Variants in RIMS2 observed in about 807,000 individuals in gnomAD.
RIMS2 encodes the protein regulating synaptic membrane exocytosis protein 2.
Under a neutral mutation model 174.4 loss-of-function variants are expected in RIMS2, and 59 were observed. That is an observed-to-expected ratio of 0.34 (90% CI 0.27 to 0.42). RIMS2 has a LOEUF of 0.42. Among genes scored for constraint, RIMS2 ranks in the 10% least tolerant of loss-of-function variants. RIMS2 has a pLI of 1.00. For missense variants in RIMS2, 1,620 were observed against 1,666.3 expected (o/e 0.97, Z 0.48); for synonymous variants, 606 against 572.5 (o/e 1.06, Z -0.84).
At chr8:103,631,965 T>C (rs1390800990) in intron 1 of RIMS2, among the ~76,000 whole-genome samples, 2 of 152,226 alleles carry the variant, frequency 1.3e-5, no homozygotes, top group Admixed American at 6.5e-5. Context: ...TTGACTTTTG[T>C]ATGTTGATTT....
chr8:104,052,619 T>TATTC (rs1288195238), intron 19 of RIMS2, among the ~76,000 whole-genome samples: 5 of 152,074 alleles, frequency 3.3e-5, no homozygotes, highest in African/African-American at 1.2e-4. Context: ...AGATTCTAGG[T>TATTC]ATTGTAGATA....
chr8:104,230,304 G>T (rs991413500), intron 19 of RIMS2, among the ~76,000 whole-genome samples: 2 of 143,268 alleles, frequency 1.4e-5, no homozygotes, highest in Non-Finnish European at 3.1e-5. Flanking sequence ...AATAGGTTTT[G>T]TTTAAATGAG....
At chr8:103,944,166 T>C (rs936489503) in intron 14 of RIMS2, among the ~76,000 whole-genome samples, 1 of 152,072 alleles carries the variant, frequency 6.6e-6, no homozygotes, top group African/African-American at 2.4e-5. Context: ...ATGGTATTAA[T>C]TGAGCACTAA....
chr8:103,872,720 T>C (rs1431316353), intron 3 of RIMS2, among the ~76,000 whole-genome samples: 1 of 152,192 alleles, frequency 6.6e-6, no homozygotes, highest in Non-Finnish European at 1.5e-5. Context: ...GTAGGCCTAT[T>C]GGGCTTATGT....
chr8:104,172,353 G>A (rs1026897305), intron 19 of RIMS2, among the ~76,000 whole-genome samples: 1 of 152,076 alleles, frequency 6.6e-6, no homozygotes, highest in Non-Finnish European at 1.5e-5. Context: ...GAAATGGGAG[G>A]TACCAACTGT....
chr8:103,937,191 T>C (rs1189086543), intron 13 of RIMS2, among the ~76,000 whole-genome samples: 1 of 152,194 alleles, frequency 6.6e-6, no homozygotes, highest in Non-Finnish European at 1.5e-5. Context: ...TTTAATGGAA[T>C]GTATTTCAGC....
chr8:103,645,368 T>C (rs191444692), intron 1 of RIMS2, among the ~76,000 whole-genome samples: 1 of 152,292 alleles, frequency 6.6e-6, no homozygotes, highest in African/African-American at 2.4e-5. Flanking sequence ...AGATACCAAT[T>C]ATATTTGTTA....
chr8:103,737,658 G>A (rs1363908503), intron 2 of RIMS2, among the ~76,000 whole-genome samples: 1 of 152,124 alleles, frequency 6.6e-6, no homozygotes, highest in Non-Finnish European at 1.5e-5. Context: ...TCTGGCTTCT[G>A]ACTATCTTTC....
intron 19 of RIMS2, among the ~76,000 whole-genome samples, chr8:104,233,991 T>A (rs551992578): frequency 6.6e-6 from 1 of 152,334 alleles, no homozygotes; most frequent in East Asian, 1.9e-4. Flanking sequence ...CTCTCTCCCC[T>A]TCATGGCAAG....
chr8:103,580,615 C>G (rs1170592764), intron 1 of RIMS2, among the ~76,000 whole-genome samples: 1 of 152,046 alleles, frequency 6.6e-6, no homozygotes, highest in African/African-American at 2.4e-5. Context: ...TAGCAGGGGA[C>G]ACATGCAATC....
chr8:103,943,492 G>C (rs1372943668), intron 14 of RIMS2, among the ~76,000 whole-genome samples: 1 of 152,084 alleles, frequency 6.6e-6, no homozygotes, highest in Non-Finnish European at 1.5e-5. Context: ...CTGCATTACA[G>C]GGTAGTTATA....
intron 1 of RIMS2, among the ~76,000 whole-genome samples, chr8:103,583,220 G>T (rs78864411): frequency 6.6e-6 from 1 of 151,628 alleles, no homozygotes; most frequent in African/African-American, 2.4e-5. Flanking sequence ...GAACCACAGT[G>T]TTACTGGGCT....
intron 14 of RIMS2, among the ~76,000 whole-genome samples, chr8:103,957,728 C>T (rs1309025098): frequency 1.3e-5 from 2 of 152,114 alleles, no homozygotes; most frequent in Admixed American, 1.3e-4. Context: ...GCACGTTGTT[C>T]ACATGTACCC....
At chr8:103,903,084 A>T (rs56369021) in intron 4 of RIMS2, among the ~76,000 whole-genome samples, 25,038 of 151,952 alleles carry the variant, frequency 0.16, 2,180 homozygotes, top group Middle Eastern at 0.26. Context: ...ATATTTTTTT[A>T]AAAAATGATG....
intron 6 of RIMS2, among the ~76,000 whole-genome samples, chr8:103,914,595 G>A (rs1167740190): frequency 6.6e-6 from 1 of 152,008 alleles, no homozygotes; most frequent in Non-Finnish European, 1.5e-5. Context: ...ATTAAACATA[G>A]GACTAATTAG....
At chr8:103,907,789 A>T (rs2154526365) in intron 4 of RIMS2, among the ~76,000 whole-genome samples, 1 of 150,830 alleles carries the variant, frequency 6.6e-6, no homozygotes, top group East Asian at 2.0e-4. Context: ...TCTGTCGCCC[A>T]GGCTGGAGTG....
intron 2 of RIMS2, among the ~76,000 whole-genome samples, chr8:103,749,093 C>G (rs988174747): frequency 6.6e-6 from 1 of 150,818 alleles, no homozygotes; most frequent in African/African-American, 2.4e-5. Flanking sequence ...GCCACCGTGC[C>G]TGGCCATATG....
chr8:103,558,068 A>AT (rs933258956), intron 1 of RIMS2, among the ~76,000 whole-genome samples: 25 of 152,066 alleles, frequency 1.6e-4, no homozygotes, highest in African/African-American at 6.0e-4. Flanking sequence ...TTTTTATTTT[A>AT]TTTTTTTAAC....
Position 104,044,332 on chromosome 8 carries a change from T to C in RIMS2, c.3334+29717T>C, listed in dbSNP as rs886695233. Among the ~76,000 whole-genome samples the C allele has an allele frequency of 6.6e-5, 10 of 151,626 alleles. No homozygotes were observed. In the East Asian group the frequency reaches 1.2e-3, roughly 18 times the overall value. On this transcript the variant is annotated intron_variant, in intron 19 of 23. Coordinates refer to ENST00000504942, the Ensembl canonical transcript of RIMS2. The stretch of plus-strand genomic sequence containing the variant: ...AATGCTGGTTGGAAGGAATGAACCA[T>C]GTAATTTAGTAGTAGCAAAACAAGG...
Sources: allele counts gnomAD v4.1 joint callset (sites outside exome capture counted in the v4.1 genomes callset), GRCh38; gene constraint gnomAD v4.1.1; transcripts MANE v1.5; gene names NCBI Gene and HGNC (gene_info 2026-07-23, HGNC 2026-07-21).